Variants in NTRK3 observed in about 807,000 individuals in gnomAD.
The protein encoded by NTRK3 is neurotrophic receptor tyrosine kinase 3.
In NTRK3, 24 loss-of-function variants were observed where a neutral mutation model predicts 91.7. The observed-to-expected ratio is 0.26, with a 90% CI of 0.19 to 0.37. NTRK3 has a LOEUF of 0.37. Among genes scored for constraint, NTRK3 ranks in the 10% least tolerant of loss-of-function variants. The pLI is 1.00. For missense variants in NTRK3, 880 were observed against 1,068.9 expected (o/e 0.82, Z 2.46); for synonymous variants, 483 against 404.0 (o/e 1.20, Z -2.34).
At chr15:87,997,451 A>G (rs1238957863) in intron 14 of NTRK3, among the ~76,000 whole-genome samples, 1 of 151,970 alleles carries the variant, frequency 6.6e-6, no homozygotes, top group Non-Finnish European at 1.5e-5. Flanking sequence ...CATTCTTACC[A>G]CCCTGCATGA....
In NTRK3 at chr15:88,243,351, C is replaced by T. The variant is rs140020099; in HGVS notation, c.248+12555G>A. ...TTCCTGAGCCTGGCCCGTCTGCCAACGCTCCCTCCTGGATCTCAGGTGGAG... is the reference window on the plus strand; with the variant it reads ...TTCCTGAGCCTGGCCCGTCTGCCAATGCTCCCTCCTGGATCTCAGGTGGAG... On this transcript the variant is annotated intron_variant, in intron 3 of 18. Coordinates refer to ENST00000394480, the Ensembl canonical transcript of NTRK3. The surrounding 1 kb of genome is among the most constrained non-coding windows in gnomAD (Gnocchi z 4.8). 3.9e-5 allele frequency among the ~76,000 whole-genome samples: 6 copies of T among 152,212 alleles called. No individual in the cohort carries two copies. Among genetic ancestry groups the T allele is most frequent in the East Asian group, 3.9e-4 (2 of 5,152 alleles).
At chr15:88,104,154 C>T (rs984277684) in intron 13 of NTRK3, among the ~76,000 whole-genome samples, 2 of 152,184 alleles carry the variant, frequency 1.3e-5, no homozygotes, top group Non-Finnish European at 2.9e-5. Context: ...CACTAAGTTA[C>T]TGGTTTCAAT....
Position 87,889,512 on chromosome 15 carries a change from C to A in NTRK3, c.2134-9084G>T, listed in dbSNP as rs2141555328. Among the ~76,000 whole-genome samples the A allele has an allele frequency of 1.4e-5, 2 of 142,954 alleles. 1 individual carries two copies. Among genetic ancestry groups the A allele is most frequent in the South Asian group, 4.7e-4 (2 of 4,260 alleles). 93.8% of individuals were successfully genotyped at this position (142,954 alleles called of 152,430 possible). A position where few individuals can be genotyped will look rare whatever the true frequency, so the allele number is the denominator to read the frequency against. The stretch of plus-strand genomic sequence containing the variant: ...CTCCACCTCCCGGGTTCAAGCAATT[C>A]TCCTCCTTCTGCCTCCTGAGTTGCT... On this transcript the variant is annotated intron_variant, in intron 17 of 18. Coordinates refer to ENST00000394480, the Ensembl canonical transcript of NTRK3.
intron 14 of NTRK3, among the ~76,000 whole-genome samples, chr15:87,990,442 T>C (rs1197969371): frequency 6.6e-6 from 1 of 152,196 alleles, no homozygotes; most frequent in African/African-American, 2.4e-5. Flanking sequence ...GCACATCACT[T>C]TTTATTTCTG....
chr15:88,211,634 T>G (rs189499567), intron 3 of NTRK3, among the ~76,000 whole-genome samples: 54 of 152,374 alleles, frequency 3.5e-4, no homozygotes, highest in Middle Eastern at 3.4e-3. Context: ...AAGGAGTATG[T>G]GTTAACAGGA....
In NTRK3 at chr15:87,922,406, C is replaced by A. The variant is rs3784439; in HGVS notation, c.2133+6785G>T. Among the ~76,000 whole-genome samples, 98 of 152,294 alleles carry A rather than the reference C, an allele frequency of 6.4e-4. 1 individual carries two copies. The East Asian group carries it at 0.018, about 29-fold the overall frequency. On this transcript the variant is annotated intron_variant, in intron 17 of 18. Transcript: ENST00000394480. ...CTGCACCTCAGGTCCTCCCATTAAA[C>A]TAATGAGGGGGCTGCCCTCCAGAGC... is the stretch of plus-strand genomic sequence containing the variant.
chr15:87,922,248 A>G (rs576980726), intron 17 of NTRK3, among the ~76,000 whole-genome samples: 1 of 152,336 alleles, frequency 6.6e-6, no homozygotes, highest in South Asian at 2.1e-4. Context: ...CTTGAAGGCA[A>G]GAACTCACTG....
chr15:87,941,450 C>T lies in NTRK3; in HGVS notation c.1586-697G>A, dbSNP rs559298980. ...GTAAAGACGTAGAAGACAAGACACA[C>T]GCATGCACACACACATACACATACA... On this transcript the variant is annotated intron_variant, in intron 14 of 18. Coordinates refer to ENST00000394480, the Ensembl canonical transcript of NTRK3. Among the ~76,000 whole-genome samples, 6 of 149,584 alleles carry T rather than the reference C, an allele frequency of 4.0e-5. No homozygotes were observed. The South Asian group carries it at 6.6e-4, about 16-fold the overall frequency.
chr15:88,149,983 C>A (rs1184199773), intron 5 of NTRK3, among the ~76,000 whole-genome samples: 1 of 152,186 alleles, frequency 6.6e-6, no homozygotes, highest in Non-Finnish European at 1.5e-5. Flanking sequence ...TGAGGTAATC[C>A]CTGCGGCACT....
Position 88,142,785 on chromosome 15 carries a change from T to A in NTRK3, c.464+4550A>T, listed in dbSNP as rs114083208. Among the ~76,000 whole-genome samples, 794 of 152,244 alleles carry A rather than the reference T, an allele frequency of 5.2e-3. 6 individuals are homozygous for A. Among genetic ancestry groups the A allele is most frequent in the African/African-American group, 0.018 (748 of 41,530 alleles). On this transcript the variant is annotated intron_variant, in intron 6 of 18. Transcript: ENST00000394480. ...TAGTTGAGTCCTCCCAAAAGATATATCCAAGTCCAAACCCTAGTATCTGTG... is the reference window on the plus strand; with the variant it reads ...TAGTTGAGTCCTCCCAAAAGATATAACCAAGTCCAAACCCTAGTATCTGTG...
At chr15:88,191,163 CGTGTGTGTGTGTGTGT>C (rs60048541) in intron 3 of NTRK3, among the ~76,000 whole-genome samples, 200 of 137,964 alleles carry the variant, frequency 1.4e-3, no homozygotes, top group Non-Finnish European at 2.1e-3. Context: ...TGATGTTTCC[CGTGTGTGTGTGTGTGT>C]GTGTGTGTGT....
chr15:87,887,880 G>C (rs1399820324), intron 17 of NTRK3, among the ~76,000 whole-genome samples: 1 of 152,112 alleles, frequency 6.6e-6, no homozygotes, highest in Non-Finnish European at 1.5e-5. Context: ...TCATCCCCAA[G>C]TCACAGATGA....
exon 19 of NTRK3, chr15:87,876,831 A>AT (rs1329853944): frequency 2.8e-5 from 36 of 1,295,082 alleles, no homozygotes; most frequent in Non-Finnish European, 3.2e-5. Context: ...TTATATGAAG[A>AT]TGTTCGCTTC....
At chr15:88,057,738 C>A (rs1385091844) in intron 13 of NTRK3, among the ~76,000 whole-genome samples, 1 of 152,224 alleles carries the variant, frequency 6.6e-6, no homozygotes, top group Non-Finnish European at 1.5e-5. Flanking sequence ...CTGACTCCCA[C>A]TTCCAGCCAC....
At chr15:88,138,714 C>T (rs1423565203) in intron 6 of NTRK3, among the ~76,000 whole-genome samples, 1 of 152,208 alleles carries the variant, frequency 6.6e-6, no homozygotes, top group African/African-American at 2.4e-5. Context: ...TCTAACACTG[C>T]CCAGTCCCTT....
At chr15:87,957,518 T>C (rs1332210033) in intron 14 of NTRK3, among the ~76,000 whole-genome samples, 2 of 152,008 alleles carry the variant, frequency 1.3e-5, no homozygotes, top group South Asian at 2.1e-4. Context: ...TATAGCACAG[T>C]GTTGTGGTAG....
At chr15:87,985,807 A>T (rs2074715921) in intron 14 of NTRK3, among the ~76,000 whole-genome samples, 1 of 152,104 alleles carries the variant, frequency 6.6e-6, no homozygotes, top group Non-Finnish European at 1.5e-5. Context: ...CTCGCTCCTG[A>T]AGGGATCTTG....
chr15:88,039,875 G>A (rs1487448698), intron 13 of NTRK3, among the ~76,000 whole-genome samples: 1 of 152,110 alleles, frequency 6.6e-6, no homozygotes, highest in Non-Finnish European at 1.5e-5. Context: ...TGTCATGATT[G>A]GCTAGCAACT....
At chr15:87,960,206 C>T (rs1225142946) in intron 14 of NTRK3, among the ~76,000 whole-genome samples, 3 of 152,152 alleles carry the variant, frequency 2.0e-5, no homozygotes, top group Admixed American at 2.0e-4. Context: ...CACAAATCTC[C>T]CAGTATAAAT....
Sources: allele counts gnomAD v4.1 joint callset (sites outside exome capture counted in the v4.1 genomes callset), GRCh38; gene constraint gnomAD v4.1.1; non-coding constraint Gnocchi (gnomAD v3.1); transcripts MANE v1.5; gene names NCBI Gene and HGNC (gene_info 2026-07-23, HGNC 2026-07-21).